Variants in ERC2 observed in about 807,000 individuals in gnomAD.
The protein encoded by ERC2 is ERC protein 2.
ERC2 carries 42 observed loss-of-function variants against 114.8 expected under a neutral mutation model. That is an observed-to-expected ratio of 0.37 (90% CI 0.29 to 0.47). The LOEUF is 0.47. Among genes scored for constraint, ERC2 ranks in the 20% least tolerant of loss-of-function variants. ERC2 has a pLI of 0.99. For synonymous variants in ERC2, 454 were observed against 425.5 expected, an observed-to-expected ratio of 1.07 and a Z score of -0.82; for missense variants, 939 against 1,150.7, an observed-to-expected ratio of 0.82 and a Z score of 2.66.
At chr3:55,673,596 TA>T (rs1038376669) in intron 17 of ERC2, among the ~76,000 whole-genome samples, 8 of 149,774 alleles carry the variant, frequency 5.3e-5, no homozygotes, top group African/African-American at 1.2e-4. Flanking sequence ...AAATAAAAAA[TA>T]AAAAAAAAGA....
chr3:56,142,816 T>C (rs1010190561), intron 5 of ERC2, among the ~76,000 whole-genome samples: 3 of 152,056 alleles, frequency 2.0e-5, no homozygotes, highest in African/African-American at 2.4e-5. Context: ...TTTTTCTCCT[T>C]TTTTTGGTAC....
chr3:56,195,563 C>T (rs1215300160), intron 3 of ERC2, among the ~76,000 whole-genome samples: 3 of 151,770 alleles, frequency 2.0e-5, no homozygotes, highest in South Asian at 2.1e-4. Flanking sequence ...GGTGCAGTGG[C>T]TCATGCCTGT....
intron 17 of ERC2, among the ~76,000 whole-genome samples, chr3:55,662,976 G>A (rs2061204090): frequency 6.6e-6 from 1 of 152,164 alleles, no homozygotes; most frequent in African/African-American, 2.4e-5. Flanking sequence ...CTCGCACATA[G>A]AAGGTACTCA....
At chr3:56,323,701 A>C (rs2057229611) in intron 2 of ERC2, among the ~76,000 whole-genome samples, 1 of 152,196 alleles carries the variant, frequency 6.6e-6, no homozygotes, top group South Asian at 2.1e-4. Context: ...ACATCCAGTA[A>C]ATGGCCCATC....
intron 17 of ERC2, among the ~76,000 whole-genome samples, chr3:55,577,106 C>A (rs2057024591): frequency 6.6e-6 from 1 of 152,224 alleles, no homozygotes; most frequent in Admixed American, 6.5e-5. Flanking sequence ...ATCACCTTTT[C>A]TTTCACAACT....
At chr3:56,343,184 T>TCACACACACA (rs1351713528) in intron 2 of ERC2, among the ~76,000 whole-genome samples, 3 of 16,926 alleles carry the variant, frequency 1.8e-4, no homozygotes, top group East Asian at 1.3e-3. Flanking sequence ...TCTCTCTCTC[T>TCACACACACA]CTCTCTCTCA....
chr3:55,816,830 G>A (rs565229333), intron 14 of ERC2, among the ~76,000 whole-genome samples: 20 of 152,228 alleles, frequency 1.3e-4, no homozygotes, highest in Admixed American at 5.9e-4. Flanking sequence ...GACTCCTGTA[G>A]GTTGCTATGG....
chr3:56,051,826 A>AACACAC lies in ERC2; in HGVS notation c.1641+28985_1641+28990dup, dbSNP rs370057271. ...GGCGACAGAGTGAGACTCCATCTCA[A>AACACAC]ACACACACACACACACACACACACA... On this transcript the variant is annotated intron_variant, in intron 7 of 17. Transcript: ENST00000288221. 1.4e-3 allele frequency among the ~76,000 whole-genome samples: 176 copies of AACACAC among 130,112 alleles called. 1 individual carries two copies. The highest frequency in any genetic ancestry group is 3.5e-3 in the African/African-American group (126 of 35,598). 85.4% of individuals were successfully genotyped at this position (130,112 alleles called of 152,430 possible). A position where few individuals can be genotyped will look rare whatever the true frequency, so the allele number is the denominator to read the frequency against.
At chr3:55,581,536 T>A (rs2057261818) in intron 17 of ERC2, among the ~76,000 whole-genome samples, 2 of 152,116 alleles carry the variant, frequency 1.3e-5, no homozygotes, top group Admixed American at 1.3e-4. Context: ...ATTCACCATT[T>A]GTGGCCAGCA....
intron 14 of ERC2, among the ~76,000 whole-genome samples, chr3:55,776,132 G>A (rs1258967798): frequency 1.3e-5 from 2 of 151,074 alleles, no homozygotes; most frequent in African/African-American, 4.9e-5. Context: ...TGGCTCTTTA[G>A]AATGTTATTT....
At chr3:55,643,936 A>G (rs1028857875) in intron 17 of ERC2, among the ~76,000 whole-genome samples, 10 of 152,204 alleles carry the variant, frequency 6.6e-5, no homozygotes, top group Non-Finnish European at 1.3e-4. Context: ...AACCAAACTC[A>G]CAAATGCCCT....
chr3:56,454,858 C>CAAAAA lies in ERC2; in HGVS notation c.-141+13389_-141+13390insTTTTT, dbSNP rs1491351849. On this transcript the variant is annotated intron_variant, in intron 1 of 17. Transcript: ENST00000288221. ...TGGGCAACAGAGTGAGACTCTGTCT[C>CAAAAA]AGAAAAAAAAAAAAAAAAAAAGGAA... 3.2e-4 allele frequency among the ~76,000 whole-genome samples: 7 copies of CAAAAA among 21,638 alleles called. 2 individuals carry two copies. The highest frequency in any genetic ancestry group is 6.4e-4 in the Admixed American group (1 of 1,552). 14.2% of individuals were successfully genotyped at this position (21,638 alleles called of 152,430 possible). A position where few individuals can be genotyped will look rare whatever the true frequency, so the allele number is the denominator to read the frequency against.
chr3:56,160,344 A>G (rs1196574406), intron 4 of ERC2, among the ~76,000 whole-genome samples: 1 of 151,986 alleles, frequency 6.6e-6, no homozygotes, highest in Non-Finnish European at 1.5e-5. Context: ...TGCTTGTTCA[A>G]TGTTTAAGTT....
chr3:56,306,512 A>T (rs2056235069), intron 2 of ERC2, among the ~76,000 whole-genome samples: 1 of 152,226 alleles, frequency 6.6e-6, no homozygotes, highest in Non-Finnish European at 1.5e-5. Flanking sequence ...TATATACAAC[A>T]TCATCTCACT....
intron 14 of ERC2, among the ~76,000 whole-genome samples, chr3:55,884,036 T>C (rs1342067142): frequency 6.6e-6 from 1 of 152,216 alleles, no homozygotes; most frequent in Non-Finnish European, 1.5e-5. Flanking sequence ...TGTGATGTTG[T>C]ACTTTAGTTA....
chr3:55,538,099 G>C (rs772670250), intron 17 of ERC2, among the ~76,000 whole-genome samples: 2 of 152,194 alleles, frequency 1.3e-5, no homozygotes, highest in African/African-American at 2.4e-5. Context: ...ATTAAAATCT[G>C]TTAGTAGCTA....
chr3:56,007,515 T>A (rs2072589686), intron 9 of ERC2, among the ~76,000 whole-genome samples, 194 bp from the exon 10 acceptor site: 1 of 152,068 alleles, frequency 6.6e-6, no homozygotes, highest in Non-Finnish European at 1.5e-5. Flanking sequence ...ACGAGTAGGA[T>A]CTAATTGCCG....
intron 15 of ERC2, among the ~76,000 whole-genome samples, chr3:55,704,298 T>G (rs987140769): frequency 5.3e-5 from 8 of 152,206 alleles, no homozygotes; most frequent in Non-Finnish European, 8.8e-5. Flanking sequence ...AAAAATATTT[T>G]AGTAAGGTGG....
intron 13 of ERC2, among the ~76,000 whole-genome samples, chr3:55,948,870 T>G (rs1459691545): frequency 6.6e-6 from 1 of 152,258 alleles, no homozygotes; most frequent in East Asian, 1.9e-4. Context: ...ATGTTTCATT[T>G]GCCTTTTCCT....
Sources: gnomAD v4.1 joint callset for allele counts (sites outside exome capture counted in the v4.1 genomes callset) on GRCh38, gnomAD v4.1.1 for gene constraint, MANE v1.5 for transcripts, NCBI Gene and HGNC (gene_info 2026-07-23, HGNC 2026-07-21) for gene names.